Variants in TTC28 observed in about 807,000 individuals in gnomAD.
The protein encoded by TTC28 is tetratricopeptide repeat domain 28.
Under a neutral mutation model 198.0 loss-of-function variants are expected in TTC28, and 61 were observed. That is an observed-to-expected ratio of 0.31 (90% CI 0.25 to 0.38). The LOEUF (loss-of-function observed/expected upper bound fraction) is 0.38. Among genes scored for constraint, TTC28 ranks in the 10% least tolerant of loss-of-function variants. The probability of loss-of-function intolerance (pLI) is 1.00; values close to 1 mark genes in which losing one functional copy is unlikely to be tolerated. For missense variants in TTC28, 2,678 were observed against 3,164.0 expected, an observed-to-expected ratio of 0.85 and a Z score of 3.69; for synonymous variants, 1,171 against 1,297.8, an observed-to-expected ratio of 0.90 and a Z score of 2.10.
chr22:28,079,373 C>T (rs1380482132), intron 12 of TTC28, among the ~76,000 whole-genome samples: 2 of 152,082 alleles, frequency 1.3e-5, no homozygotes, highest in Admixed American at 6.6e-5. Context: ...GTGATAAAAA[C>T]ATATCATAAA....
chr22:28,572,179 CAA>C (rs761717479), intron 2 of TTC28, among the ~76,000 whole-genome samples: 14 of 116,402 alleles, frequency 1.2e-4, no homozygotes, highest in Non-Finnish European at 9.3e-5. Flanking sequence ...ACTGAAAATA[CAA>C]AAAAAAAAAA....
intron 13 of TTC28, among the ~76,000 whole-genome samples, chr22:28,023,231 C>T (rs764940082): frequency 4.6e-5 from 7 of 152,242 alleles, no homozygotes; most frequent in East Asian, 1.9e-4. Context: ...GCAGGAGCCA[C>T]GGCAGCAGTT....
intron 6 of TTC28, among the ~76,000 whole-genome samples, chr22:28,140,957 A>G (rs1176282504): frequency 6.6e-6 from 1 of 152,114 alleles, no homozygotes; most frequent in Non-Finnish European, 1.5e-5. Flanking sequence ...GAGGAGGAGG[A>G]GGAAGAAAAG....
intron 5 of TTC28, among the ~76,000 whole-genome samples, chr22:28,265,464 T>G (rs946075789): frequency 3.3e-5 from 5 of 152,112 alleles, no homozygotes; most frequent in African/African-American, 1.2e-4. Context: ...ATCTGCAAAG[T>G]AGAGGCAATA....
chr22:28,441,143 C>A (rs1281673405), intron 2 of TTC28, among the ~76,000 whole-genome samples: 2 of 152,158 alleles, frequency 1.3e-5, no homozygotes, highest in African/African-American at 4.8e-5. Context: ...CACCTGACTG[C>A]CAAGAATAAT....
At chr22:28,442,466 C>A (rs1459340885) in intron 2 of TTC28, among the ~76,000 whole-genome samples, 1 of 152,218 alleles carries the variant, frequency 6.6e-6, no homozygotes, top group Non-Finnish European at 1.5e-5. Flanking sequence ...GCCTTTTAAC[C>A]CCTTGGGGAA....
intron 2 of TTC28, among the ~76,000 whole-genome samples, chr22:28,594,272 A>G (rs1201747948): frequency 6.7e-6 from 1 of 148,598 alleles, no homozygotes; most frequent in South Asian, 2.1e-4. Flanking sequence ...TATTAATATA[A>G]GAAGTAATTA....
intron 2 of TTC28, among the ~76,000 whole-genome samples, chr22:28,331,452 A>AATAG: frequency 6.6e-6 from 1 of 152,138 alleles, no homozygotes; most frequent in East Asian, 1.9e-4. Context: ...TTTGACACAG[A>AATAG]ATAGATAGCC....
intron 2 of TTC28, among the ~76,000 whole-genome samples, chr22:28,337,106 T>C (rs1214871478): frequency 1.3e-5 from 2 of 152,232 alleles, no homozygotes; most frequent in Admixed American, 6.5e-5. Flanking sequence ...TACCCAGTAG[T>C]CATTCAGGAG....
intron 2 of TTC28, among the ~76,000 whole-genome samples, chr22:28,414,578 T>C (rs1209932057): frequency 1.3e-5 from 2 of 152,020 alleles, no homozygotes; most frequent in African/African-American, 4.8e-5. Flanking sequence ...ATGTAGATAA[T>C]GAGAAAAAAG....
At chr22:28,165,027 G>T (rs1197181244) in intron 5 of TTC28, among the ~76,000 whole-genome samples, 2 of 152,210 alleles carry the variant, frequency 1.3e-5, no homozygotes, top group Non-Finnish European at 2.9e-5. Context: ...ACTACGTGAT[G>T]AATGCACAAG....
At chr22:28,485,473 G>A (rs1227729906) in intron 2 of TTC28, among the ~76,000 whole-genome samples, 1 of 151,776 alleles carries the variant, frequency 6.6e-6, no homozygotes, top group Non-Finnish European at 1.5e-5. Context: ...TTTCCATATC[G>A]TTTGTCATTC....
intron 6 of TTC28, among the ~76,000 whole-genome samples, chr22:28,148,591 C>T (rs1365582175): frequency 3.5e-5 from 5 of 143,112 alleles, no homozygotes; most frequent in East Asian, 2.0e-4. Flanking sequence ...TCAGCCTGGG[C>T]GACAGAATGA....
At chr22:28,479,009 C>A (rs530340045) in intron 2 of TTC28, among the ~76,000 whole-genome samples, 2 of 152,242 alleles carry the variant, frequency 1.3e-5, no homozygotes, top group Non-Finnish European at 2.9e-5. Flanking sequence ...TGAGCAGGGG[C>A]CTATCTTGCT....
At chr22:28,453,964 C>T (rs575902697) in intron 2 of TTC28, among the ~76,000 whole-genome samples, 1 of 152,160 alleles carries the variant, frequency 6.6e-6, no homozygotes, top group East Asian at 1.9e-4. Context: ...TTTACCATAC[C>T]TTCCCTTAAC....
In TTC28 at chr22:27,980,730, T is replaced by A. The variant is rs1027516844; in HGVS notation, c.*1491A>T. Reference sequence around the variant, plus strand: ...GAATTACCTAAAAGATACTTACTTATCTAAATTCTCCAACTAAACTCAGTA... The same window carrying A: ...GAATTACCTAAAAGATACTTACTTAACTAAATTCTCCAACTAAACTCAGTA... On this transcript the variant is annotated 3_prime_UTR_variant, in exon 23 of 23. Transcript: ENST00000397906. The A allele has an allele frequency of 2.7e-5, 4 of 147,910 alleles. No homozygotes were observed. Among genetic ancestry groups the A allele is most frequent in the African/African-American group, 7.6e-5 (3 of 39,520 alleles). The allele number at this position is 147,910 out of a possible 1,614,324, so 9.2% of individuals were successfully genotyped here. A position where few individuals can be genotyped will look rare whatever the true frequency, so the allele number is the denominator to read the frequency against.
chr22:28,478,448 G>A (rs2048196239), intron 2 of TTC28, among the ~76,000 whole-genome samples: 1 of 152,190 alleles, frequency 6.6e-6, no homozygotes, highest in Non-Finnish European at 1.5e-5. Context: ...AGTGGAGGTT[G>A]CAGTGAGCCG....
chr22:28,146,624 A>G (rs1291911212), intron 6 of TTC28, among the ~76,000 whole-genome samples: 1 of 152,188 alleles, frequency 6.6e-6, no homozygotes, highest in African/African-American at 2.4e-5. Flanking sequence ...CACAGAGCAT[A>G]TCATATCTCC....
chr22:28,252,008 G>T (rs1930548894), intron 5 of TTC28, among the ~76,000 whole-genome samples: 1 of 152,090 alleles, frequency 6.6e-6, no homozygotes, highest in South Asian at 2.1e-4. Context: ...ATATAGCGGG[G>T]ACATTACTCA....
Sources: allele counts gnomAD v4.1 joint callset (sites outside exome capture counted in the v4.1 genomes callset), GRCh38; gene constraint gnomAD v4.1.1; transcripts MANE v1.5; gene names NCBI Gene and HGNC (gene_info 2026-07-23, HGNC 2026-07-21).